BCAS1: variants seen among roughly 807,000 people sequenced by gnomAD.
The protein encoded by BCAS1 is brain enriched myelin associated protein 1.
BCAS1 carries 46 observed loss-of-function variants against 65.4 expected under a neutral mutation model. The ratio of observed to expected loss-of-function variants is 0.70; its 90% CI spans 0.55 to 0.90. The LOEUF (loss-of-function observed/expected upper bound fraction) is 0.90. Among genes scored for constraint, BCAS1 ranks in the 40% least tolerant of loss-of-function variants. The probability of loss-of-function intolerance (pLI) is 0.00; values close to 1 mark genes in which losing one functional copy is unlikely to be tolerated. For synonymous variants in BCAS1, 298 were observed against 293.5 expected (o/e 1.02, Z -0.16); for missense variants, 793 against 771.2 (o/e 1.03, Z -0.33).
chr20:53,953,338 A>G, intron 12 of BCAS1, 94 bp downstream of exon 12: 1 of 1,478,180 alleles, frequency 6.8e-7, no homozygotes, highest in Non-Finnish European at 9.2e-7. Context: ...TCCCAGTGTG[A>G]AGAGCCACAT....
Position 53,972,076 on chromosome 20 carries a change from G to A in BCAS1, c.1317+3313C>T, listed in dbSNP as rs1372366966. On this transcript the variant is annotated intron_variant, in intron 9 of 12. Transcript: ENST00000688948. The stretch of plus-strand genomic sequence containing the variant: ...GTTTTTTAGTTTTTTTTAAATACAA[G>A]TGGGCCTTGCATCCGTTGATAGATT... Among the ~76,000 whole-genome samples, 5 of 152,270 alleles carry A rather than the reference G, an allele frequency of 3.3e-5. No homozygotes were observed. The East Asian group carries it at 9.6e-4, about 29-fold the overall frequency.
intron 10 of BCAS1, among the ~76,000 whole-genome samples, chr20:53,961,379 G>C (rs2089872846): frequency 6.6e-6 from 1 of 152,072 alleles, no homozygotes; most frequent in Non-Finnish European, 1.5e-5. Flanking sequence ...TCCAAGAATG[G>C]GATCTACTGA....
chr20:53,985,589 AG>A (rs2090597021), intron 7 of BCAS1, 90 bp from the exon 8 acceptor site: 1 of 1,145,608 alleles, frequency 8.7e-7, no homozygotes, highest in Non-Finnish European at 1.3e-6. Flanking sequence ...ACATGGGCTG[AG>A]GTTATACATA....
At position 54,013,415 on chromosome 20, in the gene BCAS1, A is replaced by AAAATCC. The variant is rs565044300; in HGVS notation, c.723+14971_723+14976dup. Among the ~76,000 whole-genome samples the AAAATCC allele has an allele frequency of 7.7e-4, 118 of 152,362 alleles. 1 individual carries two copies. The highest frequency in any genetic ancestry group is 2.7e-3 in the African/African-American group (112 of 41,590). ...ATGAAAAGGAAGATTGAAAAGTAAAAAAATCCAAATGTTTACAAAAACATT... is the reference window on the plus strand; with the variant it reads ...ATGAAAAGGAAGATTGAAAAGTAAAAAAATCCAAATCCAAATGTTTACAAAAACATT... On this transcript the variant is annotated intron_variant, in intron 4 of 12. Coordinates refer to ENST00000688948, the MANE Select transcript of BCAS1 (RefSeq NM_001366298.2).
intron 6 of BCAS1, among the ~76,000 whole-genome samples, chr20:53,993,882 C>T (rs1009565084): frequency 6.6e-6 from 1 of 152,192 alleles, no homozygotes; most frequent in African/African-American, 2.4e-5. Context: ...TCATGTCATT[C>T]AACCAATCTT....
At chr20:53,952,906 CA>C (rs1375922797) in intron 12 of BCAS1, among the ~76,000 whole-genome samples, 1 of 152,196 alleles carries the variant, frequency 6.6e-6, no homozygotes, top group Non-Finnish European at 1.5e-5. Flanking sequence ...TTGCTCACAA[CA>C]TAAAGTGTGT....
intron 3 of BCAS1, among the ~76,000 whole-genome samples, chr20:54,057,719 TTCCA>T (rs1227488684): frequency 6.6e-6 from 1 of 152,192 alleles, no homozygotes; most frequent in Non-Finnish European, 1.5e-5. Flanking sequence ...ACATGACTGC[TTCCA>T]TATGATGAAG....
At chr20:54,055,306 T>C (rs1283482565) in intron 3 of BCAS1, among the ~76,000 whole-genome samples, 2 of 152,298 alleles carry the variant, frequency 1.3e-5, no homozygotes, top group East Asian at 1.9e-4. Flanking sequence ...AAGACATATC[T>C]GAGACTAGGA....
At chr20:53,981,817 C>T (rs1168277560) in intron 8 of BCAS1, among the ~76,000 whole-genome samples, 1 of 113,034 alleles carries the variant, frequency 8.8e-6, no homozygotes, top group African/African-American at 3.6e-5. Context: ...AATACATGTG[C>T]GTGCGTGTGT....
At chr20:54,053,930 G>T (rs2092257865) in intron 3 of BCAS1, among the ~76,000 whole-genome samples, 1 of 152,200 alleles carries the variant, frequency 6.6e-6, no homozygotes, top group African/African-American at 2.4e-5. Flanking sequence ...TACTAATAAA[G>T]ACATACCTGA....
intron 1 of BCAS1, among the ~76,000 whole-genome samples, chr20:54,065,130 ATC>A (rs2146368855): frequency 7.1e-6 from 1 of 141,566 alleles, no homozygotes; most frequent in African/African-American, 2.5e-5. Context: ...CTATCTATCT[ATC>A]TATCTATCTA....
At chr20:54,009,878 T>C (rs1262521857) in intron 4 of BCAS1, among the ~76,000 whole-genome samples, 1 of 152,190 alleles carries the variant, frequency 6.6e-6, no homozygotes, top group African/African-American at 2.4e-5. Flanking sequence ...GAAGTATACA[T>C]CATAACCAAA....
At chr20:54,002,968 CACA>C (rs1246642747) in intron 4 of BCAS1, among the ~76,000 whole-genome samples, 2 of 152,148 alleles carry the variant, frequency 1.3e-5, no homozygotes, top group Non-Finnish European at 2.9e-5. Context: ...GTGTCTCATT[CACA>C]ACAAGATCAA....
chr20:53,973,622 T>C (rs909181751), intron 9 of BCAS1, among the ~76,000 whole-genome samples: 2 of 152,208 alleles, frequency 1.3e-5, no homozygotes, highest in Admixed American at 1.3e-4. Flanking sequence ...TAACAGATGC[T>C]ACAGATTTTA....
intron 9 of BCAS1, 112 bp downstream of exon 9, chr20:53,975,277 A>G: frequency 1.1e-6 from 1 of 883,214 alleles, no homozygotes; most frequent in South Asian, 1.5e-5. Flanking sequence ...ACAACAAACG[A>G]ATCACACTGG....
Position 54,020,875 on chromosome 20 carries a change from T to C in BCAS1, c.723+7517A>G, listed in dbSNP as rs574431910. ...ATGCTGCAAGAATAGTATTACTTCA[T>C]GAATTCTTTGTTTCATGTATGCGCA... On this transcript the variant is annotated intron_variant, in intron 4 of 12. Transcript: ENST00000688948. Among the ~76,000 whole-genome samples, 33 of 152,372 alleles carry C rather than the reference T, an allele frequency of 2.2e-4. 1 individual carries two copies. The South Asian group carries it at 2.7e-3, about 12-fold the overall frequency.
chr20:53,995,947 T>C lies in BCAS1; in HGVS notation c.827A>G (p.Gln276Arg). 1 of 1,613,704 alleles carries C rather than the reference T, an allele frequency of 6.2e-7. No individual in the cohort carries two copies. The highest frequency in any genetic ancestry group is 8.5e-7 in the Non-Finnish European group (1 of 1,179,744). Residue 276 changes from glutamine to arginine, a missense_variant, in exon 5 of 13, where the codon CAG becomes CGG. Coordinates refer to ENST00000688948, the MANE Select transcript of BCAS1 (RefSeq NM_001366298.2). The stretch of plus-strand genomic sequence containing the variant: ...ATTATTCTCTGCTATAGCTGCTGCC[T>C]GGGAATCGTCCTTTGCAGTCTCCAG... ...EGLETAKDDSQAAAIAENNNS... is the reference protein window; with the variant it reads ...EGLETAKDDSRAAAIAENNNS...
At chr20:54,037,923 A>G (rs1439087519) in intron 3 of BCAS1, among the ~76,000 whole-genome samples, 3 of 151,286 alleles carry the variant, frequency 2.0e-5, no homozygotes, top group Non-Finnish European at 4.4e-5. Flanking sequence ...CAAGAGGGGG[A>G]AAAAAACCCT....
Position 53,975,304 on chromosome 20 carries a change from A to C in BCAS1, c.1317+85T>G, listed in dbSNP as rs2090300130. ...TCACACTGGCAGCATGCAAGAACAC[A>C]GGACCCCAGAGCTGAAAATGCCCAA... On this transcript the variant is annotated intron_variant, in intron 9 of 12. Coordinates refer to ENST00000688948, the MANE Select transcript of BCAS1 (RefSeq NM_001366298.2). The C allele has an allele frequency of 2.5e-6, 3 of 1,213,838 alleles. No homozygotes were observed. The East Asian group carries it at 7.1e-5, about 29-fold the overall frequency. The allele number at this position is 1,213,838 out of a possible 1,614,324, so 75.2% of individuals were successfully genotyped here.
Sources: allele counts gnomAD v4.1 joint callset (sites outside exome capture counted in the v4.1 genomes callset), GRCh38; gene constraint gnomAD v4.1.1; transcripts MANE v1.5; gene names NCBI Gene and HGNC (gene_info 2026-07-23, HGNC 2026-07-21).